The following PPP3CB variants were observed in gnomAD, a reference collection of about 807,000 sequenced individuals.
The protein encoded by PPP3CB is protein phosphatase 3 catalytic subunit beta, also known as serine/threonine-protein phosphatase 2B catalytic subunit beta isoform.
Under a neutral mutation model 66.4 loss-of-function variants are expected in PPP3CB, and 8 were observed. The observed-to-expected ratio is 0.12, with a 90% CI of 0.07 to 0.22. PPP3CB has a LOEUF of 0.22. PPP3CB is among the 10% of genes least tolerant of loss of function. The probability of loss-of-function intolerance (pLI) is 1.00; values close to 1 mark genes in which losing one functional copy is unlikely to be tolerated. For missense variants in PPP3CB, 319 were observed against 642.5 expected (o/e 0.50, Z 5.44); for synonymous variants, 208 against 221.2 (o/e 0.94, Z 0.53).
At chr10:73,450,853 A>T (rs1252371429) in intron 10 of PPP3CB, among the ~76,000 whole-genome samples, 1 of 152,154 alleles carries the variant, frequency 6.6e-6, no homozygotes, top group Non-Finnish European at 1.5e-5. Flanking sequence ...TAAACCACTG[A>T]TCCTTTTCAT....
At position 73,468,133 on chromosome 10, in the gene PPP3CB, C is replaced by T. The variant is rs115471442; in HGVS notation, c.983-455G>A. On this transcript the variant is annotated intron_variant, in intron 8 of 13. Coordinates refer to ENST00000360663, the MANE Select transcript of PPP3CB (RefSeq NM_021132.4). ...GATAGCTGAATGGTAATAAAGCAAA[C>T]AAAAAAATCCCACCCATTTGGAACA... 2.8e-3 allele frequency among the ~76,000 whole-genome samples: 427 copies of T among 151,920 alleles called. 1 individual carries two copies. The highest frequency in any genetic ancestry group is 9.9e-3 in the African/African-American group (410 of 41,492).
At chr10:73,493,790 C>T (rs551330581) in intron 1 of PPP3CB, among the ~76,000 whole-genome samples, 1 of 152,204 alleles carries the variant, frequency 6.6e-6, no homozygotes, top group East Asian at 1.9e-4. Flanking sequence ...AAGCTCCTTT[C>T]CTATTTATCT....
chr10:73,482,256 A>G (rs1325903536), intron 1 of PPP3CB, among the ~76,000 whole-genome samples: 1 of 151,810 alleles, frequency 6.6e-6, no homozygotes, highest in Admixed American at 6.6e-5. Flanking sequence ...TTAAAATGCT[A>G]CGTACTGGCT....
intron 1 of PPP3CB, among the ~76,000 whole-genome samples, chr10:73,487,988 C>T (rs2057013868): frequency 6.6e-6 from 1 of 151,854 alleles, no homozygotes; most frequent in Non-Finnish European, 1.5e-5. Context: ...ACCATGTTGG[C>T]CAGGCTGGTC....
chr10:73,439,600 C>T (rs1348372390), intron 13 of PPP3CB, among the ~76,000 whole-genome samples: 2 of 152,084 alleles, frequency 1.3e-5, no homozygotes, highest in African/African-American at 4.8e-5. Flanking sequence ...TATAGCATAA[C>T]ATGCTATACT....
At chr10:73,441,159 G>A (rs764166115) in intron 12 of PPP3CB, among the ~76,000 whole-genome samples, 1 of 152,176 alleles carries the variant, frequency 6.6e-6, no homozygotes, top group Non-Finnish European at 1.5e-5. Flanking sequence ...AATTATTAAT[G>A]TAAAAGAAAC....
intron 1 of PPP3CB, among the ~76,000 whole-genome samples, chr10:73,491,838 A>T (rs2057082774): frequency 6.6e-6 from 1 of 152,066 alleles, no homozygotes; most frequent in South Asian, 2.1e-4. Flanking sequence ...GTGGTGGCAC[A>T]TGCCTGTAAT....
intron 1 of PPP3CB, among the ~76,000 whole-genome samples, chr10:73,488,324 C>T (rs932672383): frequency 6.6e-6 from 1 of 152,092 alleles, no homozygotes; most frequent in African/African-American, 2.4e-5. Context: ...GCAGGACAGT[C>T]ACTGGAGCCC....
chr10:73,459,618 C>CTA (rs1260510572), intron 9 of PPP3CB, among the ~76,000 whole-genome samples: 1 of 152,214 alleles, frequency 6.6e-6, no homozygotes, highest in African/African-American at 2.4e-5. Flanking sequence ...ATACAATAGA[C>CTA]TACTATTCCA....
chr10:73,470,971 G>T lies in PPP3CB; in HGVS notation c.810-7C>A. The T allele has an allele frequency of 6.2e-7, 1 of 1,611,526 alleles. No individual in the cohort carries two copies. Among genetic ancestry groups the T allele is most frequent in the South Asian group, 1.1e-5 (1 of 90,698 alleles). ...TTCACACACTGCTGGATAGCTGTGG[G>T]GGAAAAAGAGTAAATTAAGTAAAAT... On this transcript the variant is annotated splice_polypyrimidine_tract_variant and splice_region_variant and intron_variant, in intron 6 of 13. Transcript: ENST00000360663.
Position 73,446,581 on chromosome 10 carries a change from C to A in PPP3CB, c.1187-8G>T, listed in dbSNP as rs1174344927. 1 of 1,611,604 alleles carries A rather than the reference C, an allele frequency of 6.2e-7. No individual in the cohort carries two copies. The highest frequency in any genetic ancestry group is 1.3e-5 in the African/African-American group (1 of 74,836). On this transcript the variant is annotated splice_region_variant and splice_polypyrimidine_tract_variant and intron_variant, in intron 10 of 13. Coordinates refer to ENST00000360663, the MANE Select transcript of PPP3CB (RefSeq NM_021132.4). Reference sequence around the variant, plus strand: ...TCCGGGCTGCAGCTGAACCTACTTTCAATGGAATAAATAGAGAGAAAGGCT... The same window carrying A: ...TCCGGGCTGCAGCTGAACCTACTTTAAATGGAATAAATAGAGAGAAAGGCT...
At chr10:73,472,312 T>C (rs753444467) in intron 4 of PPP3CB, among the ~76,000 whole-genome samples, 1 of 152,082 alleles carries the variant, frequency 6.6e-6, no homozygotes, top group African/African-American at 2.4e-5. Flanking sequence ...CTGGCCAACA[T>C]GGCAGAACAC....
intron 11 of PPP3CB, 32 bp downstream of exon 11, chr10:73,446,459 GC>G (rs752112822): frequency 1.3e-6 from 2 of 1,582,230 alleles, no homozygotes; most frequent in South Asian, 2.2e-5. Flanking sequence ...CGTAATTTCT[GC>G]AAAACAAATA....
chr10:73,443,036 A>T (rs2056174541), intron 12 of PPP3CB, among the ~76,000 whole-genome samples: 1 of 151,388 alleles, frequency 6.6e-6, no homozygotes, highest in Non-Finnish European at 1.5e-5. Context: ...TAAAAAATAA[A>T]AAAAATAAAA....
intron 3 of PPP3CB, among the ~76,000 whole-genome samples, chr10:73,478,024 A>G (rs186353102): frequency 6.6e-6 from 1 of 152,230 alleles, no homozygotes; most frequent in African/African-American, 2.4e-5. Flanking sequence ...ACAAATTAAT[A>G]CTTTCCAAAT....
intron 9 of PPP3CB, among the ~76,000 whole-genome samples, chr10:73,457,944 G>C (rs567868929): frequency 6.6e-6 from 1 of 152,186 alleles, no homozygotes; most frequent in East Asian, 1.9e-4. Flanking sequence ...GGTAGAGTGT[G>C]GAATGATAGA....
chr10:73,493,217 A>C (rs2057107544), intron 1 of PPP3CB, among the ~76,000 whole-genome samples: 1 of 151,104 alleles, frequency 6.6e-6, no homozygotes, highest in African/African-American at 2.4e-5. Context: ...CAGAGGTTGC[A>C]GTGAGTAGAG....
intron 4 of PPP3CB, among the ~76,000 whole-genome samples, 182 bp from the exon 5 acceptor site, chr10:73,471,795 C>T (rs541142691): frequency 4.7e-4 from 71 of 152,154 alleles, no homozygotes; most frequent in South Asian, 1.2e-3. Context: ...GACAGACAGA[C>T]AGATGGCAAG....
intron 11 of PPP3CB, among the ~76,000 whole-genome samples, chr10:73,445,890 A>G (rs2056241622): frequency 6.6e-6 from 1 of 151,920 alleles, no homozygotes; most frequent in African/African-American, 2.4e-5. Flanking sequence ...CTGGGACTAC[A>G]GGCATGCACC....
Sources: gnomAD v4.1 joint callset for allele counts (sites outside exome capture counted in the v4.1 genomes callset) on GRCh38, gnomAD v4.1.1 for gene constraint, MANE v1.5 for transcripts, NCBI Gene and HGNC (gene_info 2026-07-23, HGNC 2026-07-21) for gene names.